The following SLC9C1 variants were observed in gnomAD, a reference collection of about 807,000 sequenced individuals.
SLC9C1 encodes sodium/hydrogen exchanger 10.
A neutral mutation model predicts 140.9 loss-of-function variants in SLC9C1; 97 were observed. The ratio of observed to expected loss-of-function variants is 0.69; its 90% CI spans 0.58 to 0.82. The LOEUF is 0.82. Among genes scored for constraint, SLC9C1 ranks in the 40% least tolerant of loss-of-function variants. SLC9C1 has a pLI of 0.00. For missense variants in SLC9C1, 1,340 were observed against 1,389.3 expected, an observed-to-expected ratio of 0.96 and a Z score of 0.56; for synonymous variants, 440 against 442.6, an observed-to-expected ratio of 0.99 and a Z score of 0.07.
At chr3:112,189,598 G>T (rs780893928) in intron 20 of SLC9C1, among the ~76,000 whole-genome samples, 1 of 152,168 alleles carries the variant, frequency 6.6e-6, no homozygotes, top group Non-Finnish European at 1.5e-5. Context: ...GTATCTCTCT[G>T]TTTTGGTACC....
At chr3:112,216,739 A>G (rs1349941655) in intron 15 of SLC9C1, among the ~76,000 whole-genome samples, 1 of 152,198 alleles carries the variant, frequency 6.6e-6, no homozygotes, top group African/African-American at 2.4e-5. Context: ...AAATAGGAAC[A>G]CATTTACACT....
At chr3:112,265,703 T>C (rs2079899561) in intron 8 of SLC9C1, among the ~76,000 whole-genome samples, 1 of 152,112 alleles carries the variant, frequency 6.6e-6, no homozygotes, top group Non-Finnish European at 1.5e-5. Flanking sequence ...AATTTGCACT[T>C]TTCCACCCAT....
At chr3:112,177,592 C>G (rs1460600078) in intron 23 of SLC9C1, among the ~76,000 whole-genome samples, 1 of 149,674 alleles carries the variant, frequency 6.7e-6, no homozygotes, top group East Asian at 2.0e-4. Context: ...AGCAGAGGAT[C>G]GGGGTGAATG....
intron 26 of SLC9C1, among the ~76,000 whole-genome samples, chr3:112,159,882 C>T (rs9846417): frequency 1 from 151,723 of 152,190 alleles, 75,630 homozygotes; most frequent in Middle Eastern, 1. Flanking sequence ...AGTTTAGCTA[C>T]TCTTCCTCTT....
chr3:112,168,346 CACACACACACACACACACACA>C (rs1200813840), intron 25 of SLC9C1, among the ~76,000 whole-genome samples: 1 of 112,518 alleles, frequency 8.9e-6, no homozygotes, highest in African/African-American at 3.1e-5. Context: ...CACACACACA[CACACACACACACACACACACA>C]ACTTCTTTCC....
At chr3:112,194,923 G>C (rs1357521412) in intron 20 of SLC9C1, among the ~76,000 whole-genome samples, 2 of 150,888 alleles carry the variant, frequency 1.3e-5, no homozygotes, top group East Asian at 3.9e-4. Context: ...TGTTGTTATT[G>C]GCCACTTGAG....
At chr3:112,281,698 T>C (rs1157472764) in intron 2 of SLC9C1, among the ~76,000 whole-genome samples, 1 of 152,224 alleles carries the variant, frequency 6.6e-6, no homozygotes, top group Non-Finnish European at 1.5e-5. Context: ...TGAAGATTTA[T>C]ATCATAAGGA....
At chr3:112,194,301 T>G (rs2077725824) in intron 20 of SLC9C1, among the ~76,000 whole-genome samples, 1 of 152,136 alleles carries the variant, frequency 6.6e-6, no homozygotes, top group Admixed American at 6.5e-5. Context: ...TATTTCTGAC[T>G]CCAGGCCAAT....
intron 26 of SLC9C1, among the ~76,000 whole-genome samples, chr3:112,166,694 A>T: frequency 6.6e-6 from 1 of 152,042 alleles, no homozygotes; most frequent in Non-Finnish European, 1.5e-5. Context: ...TTATTCAATA[A>T]TTTTTAAATT....
intron 26 of SLC9C1, among the ~76,000 whole-genome samples, chr3:112,164,307 C>T (rs1251575028): frequency 1.4e-5 from 2 of 146,566 alleles, no homozygotes; most frequent in South Asian, 4.4e-4. Flanking sequence ...GAATTTGATC[C>T]TGTCATTATG....
At position 112,275,005 on chromosome 3, in the gene SLC9C1, T is replaced by C. The variant is rs1030451711; in HGVS notation, c.505A>G (p.Ser169Gly). 6.4e-7 allele frequency: 1 copy of C among 1,573,566 alleles called. No individual in the cohort carries two copies. The highest frequency in any genetic ancestry group is 8.6e-7 in the Non-Finnish European group (1 of 1,168,082). ...RDLGLSRSLI[S>G]LINGESLMTS... is the part of the protein sequence containing the mutation. ...ATCAGACTTTCTCCATTAATTAAAC[T>C]GATGAGGCTTCTAGAAAGCCCTACA... The change falls in exon 6 of 29, where the codon AGT becomes GGT. Residue 169 changes from serine to glycine, a missense_variant. Physicochemically the swap from Ser to Gly is moderately conservative, Grantham distance 56. Coordinates refer to ENST00000305815, the MANE Select transcript of SLC9C1 (RefSeq NM_183061.3).
chr3:112,226,181 A>C (rs1335556534), intron 13 of SLC9C1, among the ~76,000 whole-genome samples: 1 of 152,202 alleles, frequency 6.6e-6, no homozygotes, highest in Non-Finnish European at 1.5e-5. Context: ...AATTAAAATC[A>C]TATCAAGTAT....
chr3:112,203,361 G>A (rs570936139), intron 17 of SLC9C1, among the ~76,000 whole-genome samples: 32 of 152,000 alleles, frequency 2.1e-4, no homozygotes, highest in Admixed American at 3.3e-4. Flanking sequence ...CACTAGACTC[G>A]CCTTCCTCAG....
chr3:112,266,018 G>T (rs2079908718), intron 8 of SLC9C1, among the ~76,000 whole-genome samples: 1 of 152,104 alleles, frequency 6.6e-6, no homozygotes. Flanking sequence ...AGTGGGGAAA[G>T]AGAACCAACA....
chr3:112,209,214 A>T (rs2078136075), intron 15 of SLC9C1, among the ~76,000 whole-genome samples: 1 of 9,974 alleles, frequency 1.0e-4, no homozygotes. Flanking sequence ...TACCATTTGA[A>T]AAAAAAATAT....
At chr3:112,247,689 T>C (rs1337501311) in intron 10 of SLC9C1, among the ~76,000 whole-genome samples, 4 of 152,196 alleles carry the variant, frequency 2.6e-5, no homozygotes, top group African/African-American at 9.6e-5. Context: ...CTTTGTTAAT[T>C]GAATGCCTAA....
In SLC9C1 at chr3:112,278,872, A is replaced by C. The variant is rs759315964; in HGVS notation, c.190-15T>G. On this transcript the variant is annotated splice_polypyrimidine_tract_variant and intron_variant, in intron 3 of 28. Transcript: ENST00000305815. ...TATCTTTGGACCTAATATTATACAA[A>C]TATATCATCTTCTCATTTATTCATC... The C allele has an allele frequency of 3.1e-6, 5 of 1,592,578 alleles. No homozygotes were observed. The highest frequency in any genetic ancestry group is 4.3e-6 in the Non-Finnish European group (5 of 1,172,968).
At chr3:112,290,648 G>A (rs999521894) in intron 1 of SLC9C1, among the ~76,000 whole-genome samples, 4 of 152,054 alleles carry the variant, frequency 2.6e-5, no homozygotes, top group Non-Finnish European at 5.9e-5. Context: ...ACTGTCAGTG[G>A]GATGTTGAAG....
intron 25 of SLC9C1, among the ~76,000 whole-genome samples, chr3:112,168,079 A>G (rs1269814220): frequency 1.3e-5 from 2 of 152,188 alleles, no homozygotes; most frequent in Non-Finnish European, 2.9e-5. Flanking sequence ...AAGTGCTTTT[A>G]TCCTAGCTGT....
Sources: allele counts gnomAD v4.1 joint callset (sites outside exome capture counted in the v4.1 genomes callset), GRCh38; gene constraint gnomAD v4.1.1; transcripts MANE v1.5; gene names NCBI Gene and HGNC (gene_info 2026-07-23, HGNC 2026-07-21).